KLHL4: variants seen among roughly 807,000 people sequenced by gnomAD.
KLHL4 encodes the protein kelch-like protein 4.
In KLHL4, 17 loss-of-function variants were observed where a neutral mutation model predicts 45.8. The observed-to-expected ratio is 0.37, with a 90% CI of 0.25 to 0.56. The LOEUF is 0.56. KLHL4 is among the 20% of genes least tolerant of loss of function. The pLI is 0.79. For synonymous variants in KLHL4, 224 were observed against 189.9 expected (o/e 1.18, Z -1.47); for missense variants, 544 against 544.9 (o/e 1.00, Z 0.02).
intron 9 of KLHL4, among the ~76,000 whole-genome samples, chrX:87,663,569 A>G (rs1924267827): frequency 1.8e-5 from 2 of 112,428 alleles, no homozygotes; most frequent in Non-Finnish European, 3.8e-5. Flanking sequence ...AAATCCTTCT[A>G]TGAGTTTTGG....
chrX:87,614,673 C>A, intron 3 of KLHL4, 103 bp downstream of exon 3: 1 of 697,899 alleles, frequency 1.4e-6, no homozygotes, highest in Non-Finnish European at 2.1e-6. Flanking sequence ...TACTACTATT[C>A]TTCATAGTAG....
intron 1 of KLHL4, among the ~76,000 whole-genome samples, chrX:87,554,326 G>C (rs1299555431): frequency 5.4e-5 from 5 of 92,388 alleles, no homozygotes; most frequent in Middle Eastern, 9.8e-3. Flanking sequence ...CCATTTTCAC[G>C]ATATTGATTC....
At chrX:87,533,436 C>T (rs1232545287) in intron 1 of KLHL4, among the ~76,000 whole-genome samples, 14 of 101,413 alleles carry the variant, frequency 1.4e-4, no homozygotes, top group Middle Eastern at 4.9e-3. Flanking sequence ...TCATCATTCT[C>T]AGTAAACTAT....
At position 87,632,108 on chromosome X, in the gene KLHL4, T is replaced by C. The variant is rs973074648; in HGVS notation, c.1325-102T>C. ...ACTTAATTTGAATTGTAATCACTGA[T>C]ACTGTGCTGTAAGTTATGGGTACAT... On this transcript the variant is annotated intron_variant, in intron 6 of 10. Coordinates refer to ENST00000373119, the MANE Select transcript of KLHL4 (RefSeq NM_019117.5). 39 of 473,893 alleles carry C rather than the reference T, an allele frequency of 8.2e-5. No homozygotes were observed. In the South Asian group the frequency reaches 1.2e-3, roughly 14 times the overall value. 39.1% of individuals were successfully genotyped at this position (473,893 alleles called of 1,213,427 possible).
At chrX:87,631,793 C>T (rs1369067379) in intron 6 of KLHL4, among the ~76,000 whole-genome samples, 1 of 111,884 alleles carries the variant, frequency 8.9e-6, no homozygotes, top group African/African-American at 3.2e-5. Flanking sequence ...ACACCCAAAA[C>T]AAATTTAAAA....
intron 1 of KLHL4, among the ~76,000 whole-genome samples, chrX:87,541,225 G>A (rs1931545515): frequency 2.7e-5 from 3 of 109,256 alleles, no homozygotes; most frequent in African/African-American, 6.7e-5. Context: ...GGTGGTTCAC[G>A]ACTGTAATCC....
chrX:87,536,607 C>G (rs1205606075), intron 1 of KLHL4, among the ~76,000 whole-genome samples: 4 of 85,295 alleles, frequency 4.7e-5, no homozygotes, highest in African/African-American at 1.8e-4. Context: ...TATGAAATAG[C>G]TGATACTGCT....
intron 1 of KLHL4, among the ~76,000 whole-genome samples, chrX:87,565,231 T>A (rs1233176461): frequency 2.0e-5 from 2 of 98,771 alleles, no homozygotes; most frequent in Non-Finnish European, 4.0e-5. Flanking sequence ...CATTATAACC[T>A]ATTTTTATAG....
At chrX:87,634,440 T>A (rs1923195974) in intron 8 of KLHL4, among the ~76,000 whole-genome samples, 1 of 111,408 alleles carries the variant, frequency 9.0e-6, no homozygotes, top group African/African-American at 3.3e-5. Flanking sequence ...TACTAAAACA[T>A]GATGATGTTA....
At chrX:87,559,643 C>T (rs757381010) in intron 1 of KLHL4, among the ~76,000 whole-genome samples, 3 of 111,450 alleles carry the variant, frequency 2.7e-5, no homozygotes. Context: ...AGTAAAAATT[C>T]CCCGAAACAA....
intron 1 of KLHL4, among the ~76,000 whole-genome samples, chrX:87,518,575 C>G (rs1930938196): frequency 9.0e-6 from 1 of 111,584 alleles, no homozygotes; most frequent in Non-Finnish European, 1.9e-5. Context: ...TGTTTCAATT[C>G]TAAGAGATGT....
At chrX:87,580,278 G>A (rs745373820) in intron 1 of KLHL4, among the ~76,000 whole-genome samples, 1 of 106,964 alleles carries the variant, frequency 9.3e-6, no homozygotes, top group South Asian at 4.1e-4. Context: ...TAGTAAAAAG[G>A]GAAAGAAACC....
At chrX:87,520,871 A>G (rs1354113872) in intron 1 of KLHL4, among the ~76,000 whole-genome samples, 1 of 112,168 alleles carries the variant, frequency 8.9e-6, no homozygotes, top group Non-Finnish European at 1.9e-5. Context: ...ATGAAATAAT[A>G]TATATAGGTA....
intron 6 of KLHL4, among the ~76,000 whole-genome samples, chrX:87,630,082 C>G (rs1432777135): frequency 9.0e-6 from 1 of 111,505 alleles, no homozygotes; most frequent in Non-Finnish European, 1.9e-5. Context: ...ACTTGCAGTG[C>G]ACTATTCACC....
rs17279183 is a variant in KLHL4 at position 87,538,201 on chromosome X, A to G, written c.422+19886A>G. On this transcript the variant is annotated intron_variant, in intron 1 of 10. Coordinates refer to ENST00000373119, the MANE Select transcript of KLHL4 (RefSeq NM_019117.5). ...ATACACGCAGAGGCATCTCAACTGT[A>G]GGTTTCCTTCAAGAAAGTGTCTCCA... 3.6e-3 allele frequency among the ~76,000 whole-genome samples: 403 copies of G among 111,604 alleles called. 6 individuals are homozygous for G. The South Asian group carries it at 0.053, about 15-fold the overall frequency.
intron 1 of KLHL4, among the ~76,000 whole-genome samples, chrX:87,541,306 G>A (rs1931549150): frequency 9.2e-6 from 1 of 108,500 alleles, no homozygotes; most frequent in Non-Finnish European, 1.9e-5. Flanking sequence ...CCAACATGGT[G>A]AAACCCGTCT....
At position 87,518,104 on chromosome X, in the gene KLHL4, C is replaced by G. The variant is rs371445226; in HGVS notation, c.211C>G (p.His71Asp). 6.8e-5 allele frequency: 82 copies of G among 1,210,057 alleles called. No individual in the cohort carries two copies. Among genetic ancestry groups the G allele is most frequent in the Non-Finnish European group, 8.6e-5 (77 of 895,195 alleles). Residue 71 changes from histidine to aspartate, a missense_variant, in exon 1 of 11, where the codon CAC (histidine) becomes GAC (aspartate). Physicochemically the swap from His to Asp is moderately conservative, Grantham distance 81. Coordinates refer to ENST00000373119, the MANE Select transcript of KLHL4 (RefSeq NM_019117.5). ...GAAGAAAAGCAACAGTCCTGTCCAC[C>G]ACAATATACTGGCACCAGTGCCAGG... is the stretch of plus-strand genomic sequence containing the variant. ...GLKKSNSPVHHNILAPVPGPA... is the reference protein window; with the variant it reads ...GLKKSNSPVHDNILAPVPGPA...
At chrX:87,542,831 G>C (rs4382619) in intron 1 of KLHL4, among the ~76,000 whole-genome samples, 26,773 of 110,692 alleles carry the variant, frequency 0.24, 2,762 homozygotes, top group East Asian at 0.51. Context: ...AGGCATGACT[G>C]GTTTTGAAAT....
At chrX:87,610,456 A>T (rs926158746) in intron 1 of KLHL4, among the ~76,000 whole-genome samples, 2 of 111,984 alleles carry the variant, frequency 1.8e-5, no homozygotes, top group Admixed American at 1.9e-4. Flanking sequence ...TTTGGGTATC[A>T]GGAAGAATAT....
Sources: gnomAD v4.1 joint callset for allele counts (sites outside exome capture counted in the v4.1 genomes callset) on GRCh38, gnomAD v4.1.1 for gene constraint, MANE v1.5 for transcripts, NCBI Gene and HGNC (gene_info 2026-07-23, HGNC 2026-07-21) for gene names.